Variants in ZMIZ1 observed in about 807,000 individuals in gnomAD.
ZMIZ1 encodes the protein zinc finger MIZ domain-containing protein 1.
ZMIZ1 carries 17 observed loss-of-function variants against 113.9 expected under a neutral mutation model. That is an observed-to-expected ratio of 0.15 (90% CI 0.10 to 0.22). The LOEUF (loss-of-function observed/expected upper bound fraction) is 0.22. ZMIZ1 is among the 10% of genes least tolerant of loss of function. The pLI, the probability that ZMIZ1 is intolerant of heterozygous loss-of-function variation, is 1.00. For missense variants in ZMIZ1, 1,059 were observed against 1,477.8 expected, an observed-to-expected ratio of 0.72 and a Z score of 4.65; for synonymous variants, 607 against 603.1, an observed-to-expected ratio of 1.01 and a Z score of -0.09.
rs548750731 is a variant in ZMIZ1 at position 79,164,395 on chromosome 10, T to C, written c.-50+2262T>C. 2.7e-3 allele frequency among the ~76,000 whole-genome samples: 384 copies of C among 144,066 alleles called. 1 individual carries two copies. The highest frequency in any genetic ancestry group is 9.5e-3 in the African/African-American group (354 of 37,306). The allele number at this position is 144,066 out of a possible 152,430, so 94.5% of individuals were successfully genotyped here. ...GCACAGAGCAGTGGCCCCATTGATA[T>C]TCTGTTAATTGAGTGAGTGAGTGAG... On this transcript the variant is annotated intron_variant, in intron 4 of 24. Coordinates refer to ENST00000334512, the MANE Select transcript of ZMIZ1 (RefSeq NM_020338.4).
chr10:79,139,853 C>T, intron 3 of ZMIZ1, 76 bp downstream of exon 3: 1 of 398,656 alleles, frequency 2.5e-6, no homozygotes, highest in Non-Finnish European at 4.4e-6. Context: ...CCTAGCAGCC[C>T]AGAAGTGCTG....
chr10:79,296,770 G>T lies in ZMIZ1; in HGVS notation c.1413+117G>T, dbSNP rs941216963. ...GTGTTTGCCCCAAGGACAGCGAGGG[G>T]TGGGTGATTTCTGAACGTCCCCATG... On this transcript the variant is annotated intron_variant, in intron 13 of 24. Coordinates refer to ENST00000334512, the MANE Select transcript of ZMIZ1 (RefSeq NM_020338.4). This position sits in a 1 kb window ranked among gnomAD's most constrained non-coding sequence, Gnocchi z 4.1. 1.8e-6 allele frequency: 2 copies of T among 1,082,650 alleles called. No homozygotes were observed. Among genetic ancestry groups the T allele is most frequent in the African/African-American group, 1.6e-5 (1 of 60,906 alleles). The allele number at this position is 1,082,650 out of a possible 1,614,324, so 67.1% of individuals were successfully genotyped here. A position where few individuals can be genotyped will look rare whatever the true frequency, so the allele number is the denominator to read the frequency against.
Position 79,314,344 on chromosome 10 carries a change from C to G in ZMIZ1, c.*1595C>G, listed in dbSNP as rs774024265. 7 of 436,224 alleles carry G rather than the reference C, an allele frequency of 1.6e-5. No homozygotes were observed. The highest frequency in any genetic ancestry group is 7.2e-5 in the Admixed American group (3 of 41,660). The allele number at this position is 436,224 out of a possible 1,614,324, so 27.0% of individuals were successfully genotyped here. A position where few individuals can be genotyped will look rare whatever the true frequency, so the allele number is the denominator to read the frequency against. ...TGCCTGGGGCCCTTTCCTGCTCTCC[C>G]GTCCGCTGTGGGTGGTCCCCAGCTC... is the stretch of plus-strand genomic sequence containing the variant. On this transcript the variant is annotated 3_prime_UTR_variant, in exon 25 of 25. Transcript: ENST00000334512.
chr10:79,255,124 G>T (rs1363134174), intron 7 of ZMIZ1, among the ~76,000 whole-genome samples: 1 of 152,218 alleles, frequency 6.6e-6, no homozygotes, highest in Non-Finnish European at 1.5e-5. Context: ...GGAGGTTCGG[G>T]TTTCTGCCTG....
At chr10:79,097,965 T>G (rs1843228927) in intron 1 of ZMIZ1, among the ~76,000 whole-genome samples, 1 of 152,188 alleles carries the variant, frequency 6.6e-6, no homozygotes, top group Admixed American at 6.5e-5. Flanking sequence ...GACTTGACTC[T>G]GTGGATCACT....
At chr10:79,160,389 A>G (rs529731396) in intron 3 of ZMIZ1, among the ~76,000 whole-genome samples, 4 of 152,348 alleles carry the variant, frequency 2.6e-5, no homozygotes, top group Non-Finnish European at 5.9e-5. Flanking sequence ...CATGGAGCCC[A>G]GCACCAGCCC....
rs367761836 is a variant in ZMIZ1 at position 79,248,458 on chromosome 10, G to A, written c.281-28723G>A. ...CAGTGGGGAGCCATCAAAGGCTTTGGAGCCTCAGAGGCACTGGGACTCCTC... is the reference window on the plus strand; with the variant it reads ...CAGTGGGGAGCCATCAAAGGCTTTGAAGCCTCAGAGGCACTGGGACTCCTC... On this transcript the variant is annotated intron_variant, in intron 7 of 24. Coordinates refer to ENST00000334512, the MANE Select transcript of ZMIZ1 (RefSeq NM_020338.4). Among the ~76,000 whole-genome samples the A allele has an allele frequency of 1.7e-4, 26 of 152,278 alleles. No individual in the cohort carries two copies. In the East Asian group the frequency reaches 4.6e-3, roughly 27 times the overall value.
chr10:79,116,924 G>A (rs970208031), intron 1 of ZMIZ1, among the ~76,000 whole-genome samples: 1 of 152,238 alleles, frequency 6.6e-6, no homozygotes, highest in Non-Finnish European at 1.5e-5. Context: ...GTGGCTTAAA[G>A]CAGCCACCAT....
At chr10:79,128,237 C>T (rs185639530) in intron 2 of ZMIZ1, among the ~76,000 whole-genome samples, 219 of 152,272 alleles carry the variant, frequency 1.4e-3, no homozygotes, top group African/African-American at 5.0e-3. Flanking sequence ...CCAGAGTTTC[C>T]CCTGCTCTAA....
At chr10:79,253,828 CTG>C (rs1850704033) in intron 7 of ZMIZ1, among the ~76,000 whole-genome samples, 1 of 152,166 alleles carries the variant, frequency 6.6e-6, no homozygotes, top group African/African-American at 2.4e-5. Context: ...CCATCATGCC[CTG>C]TGTGGATGCA....
At position 79,163,343 on chromosome 10, in the gene ZMIZ1, T is replaced by A. The variant is rs188622912; in HGVS notation, c.-50+1210T>A. Among the ~76,000 whole-genome samples, 8 of 152,380 alleles carry A rather than the reference T, an allele frequency of 5.3e-5. No individual in the cohort carries two copies. The East Asian group carries it at 1.2e-3, about 22-fold the overall frequency. ...CAGGAAATCCCAGCTGTCTGCTGAT[T>A]GGCTGCATGACCTTGGGCCAGTCCC... is the stretch of plus-strand genomic sequence containing the variant. On this transcript the variant is annotated intron_variant, in intron 4 of 24. Transcript: ENST00000334512.
intron 1 of ZMIZ1, among the ~76,000 whole-genome samples, chr10:79,095,653 A>G (rs1843143871): frequency 6.6e-6 from 1 of 152,218 alleles, no homozygotes; most frequent in African/African-American, 2.4e-5. Context: ...GAACGCACCT[A>G]ACAAAGGCTA....
intron 3 of ZMIZ1, among the ~76,000 whole-genome samples, chr10:79,151,541 A>G (rs1341750594): frequency 6.6e-6 from 1 of 152,186 alleles, no homozygotes; most frequent in Non-Finnish European, 1.5e-5. Flanking sequence ...GGGCAAAGAA[A>G]GTTAGCCCAA....
chr10:79,086,499 CTTTTT>C (rs1842817228), intron 1 of ZMIZ1, among the ~76,000 whole-genome samples: 1 of 152,104 alleles, frequency 6.6e-6, no homozygotes, highest in Non-Finnish European at 1.5e-5. Flanking sequence ...ATATAGAATC[CTTTTT>C]ATTTTTATTA....
At chr10:79,119,359 C>G (rs190105635) in intron 2 of ZMIZ1, among the ~76,000 whole-genome samples, 1 of 152,158 alleles carries the variant, frequency 6.6e-6, no homozygotes, top group Non-Finnish European at 1.5e-5. Flanking sequence ...TCCTCTAACC[C>G]GACAAGCACT....
chr10:79,142,152 G>T (rs1408315403), intron 3 of ZMIZ1, among the ~76,000 whole-genome samples: 3 of 152,174 alleles, frequency 2.0e-5, no homozygotes, highest in Non-Finnish European at 4.4e-5. Context: ...GCCGGGGAGG[G>T]CTGCGTGAAG....
At chr10:79,205,005 A>G (rs1162525783) in intron 5 of ZMIZ1, among the ~76,000 whole-genome samples, 1 of 152,204 alleles carries the variant, frequency 6.6e-6, no homozygotes, top group African/African-American at 2.4e-5. Flanking sequence ...GGATACACGC[A>G]TAGATGGATG....
intron 23 of ZMIZ1, among the ~76,000 whole-genome samples, chr10:79,309,318 T>C (rs1854950546): frequency 2.0e-5 from 3 of 152,132 alleles, no homozygotes; most frequent in African/African-American, 7.2e-5. Context: ...CCTCTGAAGA[T>C]CCAGGGACTG....
At chr10:79,077,144 C>T (rs974710786) in intron 1 of ZMIZ1, among the ~76,000 whole-genome samples, 6 of 152,160 alleles carry the variant, frequency 3.9e-5, no homozygotes, top group Admixed American at 3.3e-4. Context: ...CAGCTAGGCT[C>T]AGGACAAAGG....
Sources: gnomAD v4.1 joint callset for allele counts (sites outside exome capture counted in the v4.1 genomes callset) on GRCh38, gnomAD v4.1.1 for gene constraint, Gnocchi (gnomAD v3.1) non-coding constraint, MANE v1.5 for transcripts, NCBI Gene and HGNC (gene_info 2026-07-23, HGNC 2026-07-21) for gene names.